Variants in RPGRIP1 observed in about 807,000 individuals in gnomAD.
RPGRIP1 encodes X-linked retinitis pigmentosa GTPase regulator-interacting protein 1.
A neutral mutation model predicts 157.9 loss-of-function variants in RPGRIP1; 128 were observed. The ratio of observed to expected loss-of-function variants is 0.81; its 90% CI spans 0.70 to 0.94. The LOEUF (loss-of-function observed/expected upper bound fraction) is 0.94. Ranked by LOEUF, RPGRIP1 falls within the 40% of genes least tolerant of loss-of-function variation. RPGRIP1 has a pLI of 0.00. For missense variants in RPGRIP1, 1,486 were observed against 1,545.8 expected (o/e 0.96, Z 0.65); for synonymous variants, 554 against 571.6 (o/e 0.97, Z 0.44).
intron 22 of RPGRIP1, among the ~76,000 whole-genome samples, 167 bp from the exon 23 acceptor site, chr14:21,344,946 A>G (rs538767809): frequency 2.0e-5 from 3 of 152,268 alleles, no homozygotes; most frequent in Admixed American, 6.5e-5. Flanking sequence ...TGTCACACAC[A>G]CACACACACA....
At chr14:21,324,593 A>C (rs1008160364) in intron 14 of RPGRIP1, 25 bp from the exon 15 acceptor site, 8 of 1,586,994 alleles carry the variant, frequency 5.0e-6, no homozygotes, top group Non-Finnish European at 6.0e-6. Flanking sequence ...CCTTTAACGG[A>C]TAGGCAGCTT....
intron 21 of RPGRIP1, among the ~76,000 whole-genome samples, chr14:21,335,171 C>T (rs1000636441): frequency 6.6e-6 from 1 of 150,970 alleles, no homozygotes; most frequent in Non-Finnish European, 1.5e-5. Context: ...ATTTATGTTT[C>T]GTGTGAATGA....
chr14:21,296,204 C>T (rs1386661770), intron 3 of RPGRIP1, among the ~76,000 whole-genome samples: 2 of 151,484 alleles, frequency 1.3e-5, no homozygotes, highest in East Asian at 1.9e-4. Context: ...CGGATTCAAG[C>T]GATTCTCCTG....
rs1317058642 is a variant in RPGRIP1 at position 21,321,956 on chromosome 14, A to G, written c.1714A>G (p.Ile572Val). Residue 572 changes from isoleucine (I) to valine (V), a missense_variant, in exon 14 of 25, where the codon ATC (isoleucine) becomes GTC (valine). By Grantham distance (29) the Ile-to-Val change is conservative. Coordinates refer to ENST00000400017, the MANE Select transcript of RPGRIP1 (RefSeq NM_020366.4). ...TRLLDLKNNR[I>V]KQLEGILRSH... ...ACTACTAGACCTCAAGAATAACCGT[A>G]TCAAGCAGCTGGAAGGTATTTTAAG... 1 of 1,613,866 alleles carries G rather than the reference A, an allele frequency of 6.2e-7. No homozygotes were observed. Among genetic ancestry groups the G allele is most frequent in the South Asian group, 1.1e-5 (1 of 91,066 alleles).
At position 21,288,767 on chromosome 14, in the gene RPGRIP1, G is replaced by T. The variant is rs116466888; in HGVS notation, c.85+706G>T. On this transcript the variant is annotated intron_variant, in intron 2 of 24. Coordinates refer to ENST00000400017, the MANE Select transcript of RPGRIP1 (RefSeq NM_020366.4). ...GACCTCAAGTGATCCGCCTGCCTCG[G>T]TCTCCCAACGTGCTGGATTACAGGC... 2.4e-3 allele frequency among the ~76,000 whole-genome samples: 368 copies of T among 152,060 alleles called. 2 individuals are homozygous for T. Among genetic ancestry groups the T allele is most frequent in the African/African-American group, 8.2e-3 (342 of 41,492 alleles).
chr14:21,301,722 T>TA (rs34757630), intron 4 of RPGRIP1, among the ~76,000 whole-genome samples: 3 of 75,122 alleles, frequency 4.0e-5, no homozygotes, highest in East Asian at 4.3e-4. Context: ...ATAATAATAA[T>TA]AAAAAATTAG....
At chr14:21,327,380 A>G (rs1169222684) in intron 17 of RPGRIP1, among the ~76,000 whole-genome samples, 2 of 151,982 alleles carry the variant, frequency 1.3e-5, no homozygotes, top group Non-Finnish European at 2.9e-5. Context: ...CTTTTCATAC[A>G]CCCTTCACTA....
intron 1 of RPGRIP1, among the ~76,000 whole-genome samples, chr14:21,281,030 T>C (rs9743612): frequency 0.14 from 21,333 of 151,810 alleles, 1,870 homozygotes; most frequent in Admixed American, 0.23. Flanking sequence ...TTCTTTTTTT[T>C]TTTTTTGAGA....
intron 10 of RPGRIP1, among the ~76,000 whole-genome samples, chr14:21,313,474 G>T (rs142818479): frequency 9.1e-4 from 139 of 152,220 alleles, no homozygotes; most frequent in African/African-American, 3.1e-3. Flanking sequence ...TCCTCACAAT[G>T]AAGTGCTATG....
In RPGRIP1 at chr14:21,319,976, A is replaced by G. The variant is rs765134808; in HGVS notation, c.1307-41A>G. ...GATCCAACTCTGACCATGGTGATAA[A>G]TAACTACAGAATTTCACATTTCTGG... On this transcript the variant is annotated intron_variant, in intron 11 of 24. Transcript: ENST00000400017. The G allele has an allele frequency of 3.8e-6, 6 of 1,566,522 alleles. No individual in the cohort carries two copies. The East Asian group carries it at 6.9e-5, about 18-fold the overall frequency.
Position 21,326,123 on chromosome 14 carries a change from GCCGAGC to G in RPGRIP1, c.2666_2671del (p.Ala889_Arg890del). 1.2e-6 allele frequency: 2 copies of G among 1,602,280 alleles called. No homozygotes were observed. The highest frequency in any genetic ancestry group is 2.2e-5 in the South Asian group (2 of 90,058). Reference sequence around the variant, plus strand: ...GACTTAGAGCCTGGCTCGTATCTTGGCCGAGCCCGAGTGCCTTTACTGCCTCTTGCA... The same window carrying G: ...GACTTAGAGCCTGGCTCGTATCTTGGCCGAGTGCCTTTACTGCCTCTTGCA... On this transcript the variant is annotated inframe_deletion, in exon 17 of 25. Coordinates refer to ENST00000400017, the MANE Select transcript of RPGRIP1 (RefSeq NM_020366.4).
intron 1 of RPGRIP1, among the ~76,000 whole-genome samples, chr14:21,286,489 G>A (rs1394295476): frequency 6.7e-6 from 1 of 149,566 alleles, no homozygotes; most frequent in East Asian, 1.9e-4. Context: ...CATGCCAAGA[G>A]AAATGTTTAA....
At chr14:21,300,865 G>T (rs1191153848) in intron 3 of RPGRIP1, 101 bp from the exon 4 acceptor site, 17 of 1,336,078 alleles carry the variant, frequency 1.3e-5, no homozygotes, top group Middle Eastern at 1.9e-4. Flanking sequence ...CACGGTAGAT[G>T]AATACATATT....
At chr14:21,337,979 C>T (rs986309464) in intron 21 of RPGRIP1, among the ~76,000 whole-genome samples, 6 of 151,926 alleles carry the variant, frequency 3.9e-5, no homozygotes, top group Admixed American at 1.3e-4. Context: ...TGCAGTGGTG[C>T]GATATCGGCT....
At chr14:21,282,154 A>G (rs1880154794) in intron 1 of RPGRIP1, among the ~76,000 whole-genome samples, 2 of 152,220 alleles carry the variant, frequency 1.3e-5, no homozygotes, top group Admixed American at 1.3e-4. Flanking sequence ...TTATACGTCT[A>G]TCCATCTATC....
chr14:21,331,516 C>T (rs1003190794), intron 20 of RPGRIP1, among the ~76,000 whole-genome samples: 3 of 151,936 alleles, frequency 2.0e-5, no homozygotes, highest in East Asian at 1.9e-4. Context: ...AGCAAGACTC[C>T]GTCTCAGTAC....
chr14:21,282,951 C>T (rs987471463), intron 1 of RPGRIP1, among the ~76,000 whole-genome samples: 3 of 152,138 alleles, frequency 2.0e-5, no homozygotes, highest in African/African-American at 4.8e-5. Context: ...AATCTGGCCA[C>T]TGGATGTTCA....
At chr14:21,345,569 A>AT (rs1318056588) in intron 23 of RPGRIP1, among the ~76,000 whole-genome samples, 3 of 151,344 alleles carry the variant, frequency 2.0e-5, no homozygotes, top group Non-Finnish European at 2.9e-5. Flanking sequence ...TGCCTGGCTA[A>AT]TTTTTTGTGT....
At chr14:21,331,378 T>G (rs1267024646) in intron 20 of RPGRIP1, among the ~76,000 whole-genome samples, 1 of 151,756 alleles carries the variant, frequency 6.6e-6, no homozygotes, top group African/African-American at 2.4e-5. Flanking sequence ...AAAAATTAGC[T>G]GGGCATGGTG....
Sources: gnomAD v4.1 joint callset for allele counts (sites outside exome capture counted in the v4.1 genomes callset) on GRCh38, gnomAD v4.1.1 for gene constraint, MANE v1.5 for transcripts, NCBI Gene and HGNC (gene_info 2026-07-23, HGNC 2026-07-21) for gene names.